C8orf34: variants seen among roughly 807,000 people sequenced by gnomAD.
C8orf34 encodes the protein uncharacterized protein C8orf34.
A neutral mutation model predicts 68.3 loss-of-function variants in C8orf34; 65 were observed. That is an observed-to-expected ratio of 0.95 (90% confidence interval 0.78 to 1.17). The LOEUF is 1.17. Ranked by LOEUF, C8orf34 falls within the 50% of genes most tolerant of loss-of-function variation. The pLI, the probability that C8orf34 is intolerant of heterozygous loss-of-function variation, is 0.00. For synonymous variants in C8orf34, 244 were observed against 241.2 expected, an observed-to-expected ratio of 1.01 and a Z score of -0.11; for missense variants, 664 against 655.4, an observed-to-expected ratio of 1.01 and a Z score of -0.14.
chr8:68,335,360 A>G (rs1001916860), intron 1 of C8orf34, among the ~76,000 whole-genome samples: 1 of 152,234 alleles, frequency 6.6e-6, no homozygotes, highest in African/African-American at 2.4e-5. Flanking sequence ...CTTGGTAGTT[A>G]TAATATGTTC....
chr8:68,432,856 G>A (rs776037081), intron 1 of C8orf34, among the ~76,000 whole-genome samples: 1 of 152,128 alleles, frequency 6.6e-6, no homozygotes, highest in Non-Finnish European at 1.5e-5. Flanking sequence ...ACTTGTAACA[G>A]AGCTTAGGGG....
chr8:68,812,670 T>C (rs537370341), intron 12 of C8orf34, among the ~76,000 whole-genome samples: 1 of 152,320 alleles, frequency 6.6e-6, no homozygotes, highest in East Asian at 1.9e-4. Flanking sequence ...GTTCAACATA[T>C]ACTTAATAGA....
chr8:68,790,621 C>T (rs1040826457), intron 12 of C8orf34, among the ~76,000 whole-genome samples: 1 of 139,054 alleles, frequency 7.2e-6, no homozygotes, highest in African/African-American at 3.0e-5. Context: ...TAAGCAAAAC[C>T]CTTGATTAAA....
At chr8:68,431,537 T>A (rs1055228420) in intron 1 of C8orf34, among the ~76,000 whole-genome samples, 1 of 152,178 alleles carries the variant, frequency 6.6e-6, no homozygotes, top group East Asian at 1.9e-4. Flanking sequence ...AGTTGAGGAG[T>A]GTAATCCTTA....
At chr8:68,776,535 T>C (rs998650805) in intron 11 of C8orf34, 86 bp downstream of exon 11, 1 of 1,063,580 alleles carries the variant, frequency 9.4e-7, no homozygotes. Context: ...CTCCATCTAC[T>C]TGTAGGGTTT....
chr8:68,691,725 G>A (rs6982315), intron 8 of C8orf34, among the ~76,000 whole-genome samples: 47,365 of 151,868 alleles, frequency 0.31, 8,490 homozygotes, highest in East Asian at 0.56. Context: ...TTGTCCTCAT[G>A]AGCATTAGCT....
rs1816209662 is a variant in C8orf34 at position 68,555,059 on chromosome 8, A to G, written c.1105+21910A>G. Among the ~76,000 whole-genome samples the G allele has an allele frequency of 2.0e-5, 3 of 151,984 alleles. No individual in the cohort carries two copies. The South Asian group carries it at 6.2e-4, about 31-fold the overall frequency. On this transcript the variant is annotated intron_variant, in intron 7 of 13. Transcript: ENST00000518698. ...ACTTTTAATACTTTTTTATGTTTTA[A>G]AAAGTTTCTGTTTGTTTTCATACCC... is the stretch of plus-strand genomic sequence containing the variant.
At chr8:68,677,187 A>G (rs1563603082) in intron 8 of C8orf34, among the ~76,000 whole-genome samples, 1 of 152,230 alleles carries the variant, frequency 6.6e-6, no homozygotes, top group Non-Finnish European at 1.5e-5. Context: ...CAGTGGGTCA[A>G]TAAAGGAATT....
chr8:68,792,571 CAAAAAAAAAAAAAAAAAAAAA>C, intron 12 of C8orf34: 1 of 42,296 alleles, frequency 2.4e-5, no homozygotes, highest in Admixed American at 4.3e-4. Flanking sequence ...GACTCCATCT[CAAAAAAAAAAAAAAAAAAAAA>C]AAAAAAAAAG....
At chr8:68,664,351 T>C in intron 8 of C8orf34, among the ~76,000 whole-genome samples, 1 of 152,130 alleles carries the variant, frequency 6.6e-6, no homozygotes, top group East Asian at 1.9e-4. Context: ...CTAAATGGCA[T>C]AAGGAGTAAG....
chr8:68,607,598 T>C (rs1817893230), intron 7 of C8orf34, among the ~76,000 whole-genome samples: 2 of 152,104 alleles, frequency 1.3e-5, no homozygotes, highest in African/African-American at 2.4e-5. Flanking sequence ...CTTCAACATA[T>C]GAAATTTGGG....
chr8:68,348,413 T>C (rs976222499), intron 1 of C8orf34, among the ~76,000 whole-genome samples: 2 of 152,108 alleles, frequency 1.3e-5, no homozygotes, highest in African/African-American at 4.8e-5. Context: ...TCCAGCTTTG[T>C]TCTTTTTGCT....
intron 7 of C8orf34, among the ~76,000 whole-genome samples, chr8:68,550,019 G>A (rs559611775): frequency 4.0e-5 from 6 of 151,690 alleles, no homozygotes; most frequent in Admixed American, 6.6e-5. Flanking sequence ...TAGACAGTAC[G>A]TATTTTGGCT....
chr8:68,547,616 T>C (rs949352726), intron 7 of C8orf34, among the ~76,000 whole-genome samples: 2 of 151,726 alleles, frequency 1.3e-5, no homozygotes, highest in Non-Finnish European at 3.0e-5. Flanking sequence ...TACACATAAG[T>C]ATATACACTT....
At chr8:68,388,061 T>C (rs971023555) in intron 1 of C8orf34, among the ~76,000 whole-genome samples, 3 of 152,140 alleles carry the variant, frequency 2.0e-5, no homozygotes, top group Non-Finnish European at 4.4e-5. Flanking sequence ...GTGGTAATTT[T>C]CCACTGATCT....
intron 1 of C8orf34, among the ~76,000 whole-genome samples, chr8:68,383,394 C>G (rs529616274): frequency 1.3e-5 from 2 of 152,320 alleles, no homozygotes; most frequent in South Asian, 4.2e-4. Flanking sequence ...AATGTATGAG[C>G]TGTTCCATAG....
rs550498197 is a variant in C8orf34, at chr8:68,700,638, C to G, written c.1242-8356C>G. Among the ~76,000 whole-genome samples, 415 of 152,160 alleles carry G rather than the reference C, an allele frequency of 2.7e-3. 3 individuals carry two copies. The highest frequency in any genetic ancestry group is 0.01 in the Middle Eastern group (3 of 294). ...GACAGTATCAGACCTTGGTGTCTGG[C>G]TTCAGGAAGCCTGCAAAGTAATTGG... is the stretch of plus-strand genomic sequence containing the variant. On this transcript the variant is annotated intron_variant, in intron 8 of 13. Coordinates refer to ENST00000518698, the MANE Select transcript of C8orf34 (RefSeq NM_052958.4).
intron 7 of C8orf34, among the ~76,000 whole-genome samples, chr8:68,625,013 C>T (rs1818497252): frequency 6.7e-6 from 1 of 150,178 alleles, no homozygotes; most frequent in Non-Finnish European, 1.5e-5. Context: ...AATGTAATTT[C>T]AGGAGATAAT....
chr8:68,811,218 A>G (rs1168063059), intron 12 of C8orf34, among the ~76,000 whole-genome samples: 1 of 152,208 alleles, frequency 6.6e-6, no homozygotes, highest in South Asian at 2.1e-4. Context: ...CTCTGCCCCA[A>G]GTGCATGCAC....
Sources: allele counts gnomAD v4.1 joint callset (sites outside exome capture counted in the v4.1 genomes callset), GRCh38; gene constraint gnomAD v4.1.1; transcripts MANE v1.5; gene names NCBI Gene and HGNC (gene_info 2026-07-23, HGNC 2026-07-21).